Variants in KCNH8 observed in about 807,000 individuals in gnomAD.
KCNH8 encodes potassium voltage-gated channel subfamily H member 8, also known as voltage-gated delayed rectifier potassium channel KCNH8.
In KCNH8, 70 loss-of-function variants were observed where a neutral mutation model predicts 103.6. That is an observed-to-expected ratio of 0.68 (90% CI 0.56 to 0.82). The LOEUF is 0.82. Ranked by LOEUF, KCNH8 falls within the 40% of genes least tolerant of loss-of-function variation. The pLI, the probability that KCNH8 is intolerant of heterozygous loss-of-function variation, is 0.00. For missense variants in KCNH8, 1,217 were observed against 1,329.9 expected, an observed-to-expected ratio of 0.92 and a Z score of 1.32; for synonymous variants, 498 against 489.4, an observed-to-expected ratio of 1.02 and a Z score of -0.23.
At chr3:19,215,518 C>T (rs1200404582) in intron 1 of KCNH8, among the ~76,000 whole-genome samples, 1 of 152,212 alleles carries the variant, frequency 6.6e-6, no homozygotes, top group Non-Finnish European at 1.5e-5. Context: ...AAAGATTCAG[C>T]AGACAAGTCA....
At chr3:19,258,947 C>CTCTATATATATATA (rs1321918245) in intron 2 of KCNH8, among the ~76,000 whole-genome samples, 19 of 24,792 alleles carry the variant, frequency 7.7e-4, no homozygotes, top group Non-Finnish European at 1.0e-3. Flanking sequence ...CTCTCTCTCT[C>CTCTATATATATATA]TATATATATA....
At chr3:19,240,553 G>C (rs1175796107) in intron 1 of KCNH8, among the ~76,000 whole-genome samples, 1 of 151,196 alleles carries the variant, frequency 6.6e-6, no homozygotes, top group Non-Finnish European at 1.5e-5. Context: ...CGGAGGTTGC[G>C]GTGAGCCGAG....
In KCNH8 at chr3:19,162,174, G is replaced by A. The variant is rs185302225; in HGVS notation, c.76+13379G>A. Reference sequence around the variant, plus strand: ...CATCTTTTAAACATTTTAACAAATAGCAACTTTTTAAAAACAAAACTTGCA... The same window carrying A: ...CATCTTTTAAACATTTTAACAAATAACAACTTTTTAAAAACAAAACTTGCA... On this transcript the variant is annotated intron_variant, in intron 1 of 15. Coordinates refer to ENST00000328405, the MANE Select transcript of KCNH8 (RefSeq NM_144633.3). 1.2e-4 allele frequency among the ~76,000 whole-genome samples: 18 copies of A among 151,958 alleles called. No individual in the cohort carries two copies. In the East Asian group the frequency reaches 2.9e-3, roughly 24 times the overall value.
intron 1 of KCNH8, among the ~76,000 whole-genome samples, chr3:19,228,216 ATTAT>A (rs2063954102): frequency 1.3e-5 from 2 of 152,226 alleles, no homozygotes; most frequent in African/African-American, 4.8e-5. Flanking sequence ...GAATGATATT[ATTAT>A]TTAATGACAA....
At chr3:19,448,883 A>G (rs1467434739) in intron 8 of KCNH8, 2 of 724,660 alleles carry the variant, frequency 2.8e-6, no homozygotes, top group Non-Finnish European at 2.1e-6. Context: ...TTAGAGTTGA[A>G]TTATCCATAA....
chr3:19,505,622 T>A (rs1349389826), intron 11 of KCNH8, among the ~76,000 whole-genome samples: 1 of 152,084 alleles, frequency 6.6e-6, no homozygotes, highest in Admixed American at 6.6e-5. Context: ...CCTTGGAAAA[T>A]CTGATGATTA....
intron 1 of KCNH8, among the ~76,000 whole-genome samples, chr3:19,241,804 T>C (rs1427821582): frequency 3.3e-5 from 5 of 152,202 alleles, no homozygotes; most frequent in African/African-American, 1.2e-4. Context: ...CAGTTGAGTG[T>C]GCATTAATAA....
At position 19,493,341 on chromosome 3, in the gene KCNH8, G is replaced by C. The variant is rs552595147; in HGVS notation, c.2041-17022G>C. Among the ~76,000 whole-genome samples the C allele has an allele frequency of 3.3e-5, 5 of 152,242 alleles. No homozygotes were observed. The South Asian group carries it at 1.0e-3, about 32-fold the overall frequency. ...ATCTCATCTTAAATTGTAATCCCCAGGTGTTCATGGGGAGAACTGGTGGGA... is the reference window on the plus strand; with the variant it reads ...ATCTCATCTTAAATTGTAATCCCCACGTGTTCATGGGGAGAACTGGTGGGA... On this transcript the variant is annotated intron_variant, in intron 11 of 15. Transcript: ENST00000328405.
intron 3 of KCNH8, among the ~76,000 whole-genome samples, chr3:19,316,831 T>C (rs535226710): frequency 1.4e-3 from 206 of 152,108 alleles, no homozygotes; most frequent in Non-Finnish European, 2.6e-3. Context: ...TCAGATTGCC[T>C]ACTTTTCCTT....
At chr3:19,332,698 T>C (rs1049975136) in intron 3 of KCNH8, among the ~76,000 whole-genome samples, 3 of 152,120 alleles carry the variant, frequency 2.0e-5, no homozygotes, top group African/African-American at 7.2e-5. Context: ...AGTGGCACGA[T>C]CTCAGCTCAC....
chr3:19,480,507 A>G (rs1575118324), intron 11 of KCNH8, among the ~76,000 whole-genome samples: 1 of 152,358 alleles, frequency 6.6e-6, no homozygotes, highest in East Asian at 1.9e-4. Flanking sequence ...AACTTTTACC[A>G]TTGAGGAATT....
At chr3:19,315,636 T>C (rs1176836932) in intron 3 of KCNH8, among the ~76,000 whole-genome samples, 2 of 152,008 alleles carry the variant, frequency 1.3e-5, no homozygotes, top group East Asian at 3.9e-4. Context: ...AGTAGTTGGC[T>C]ACTATGTTGG....
chr3:19,451,776 T>C (rs2067451582), intron 10 of KCNH8, among the ~76,000 whole-genome samples: 1 of 152,164 alleles, frequency 6.6e-6, no homozygotes, highest in Non-Finnish European at 1.5e-5. Flanking sequence ...GGGCATTTAT[T>C]TTTGTGGAAA....
intron 11 of KCNH8, among the ~76,000 whole-genome samples, chr3:19,494,522 C>T (rs1345409004): frequency 2.0e-5 from 3 of 152,114 alleles, no homozygotes; most frequent in East Asian, 1.9e-4. Context: ...TCCAATAAAC[C>T]TCTTTCTTTT....
intron 3 of KCNH8, among the ~76,000 whole-genome samples, chr3:19,282,088 C>T (rs181598504): frequency 2.6e-4 from 40 of 152,214 alleles, no homozygotes; most frequent in Non-Finnish European, 5.1e-4. Context: ...GAATCAGCTA[C>T]TTGACATTTC....
rs149961037 is a variant in KCNH8 at position 19,315,986 on chromosome 3, A to G, written c.443-26601A>G. On this transcript the variant is annotated intron_variant, in intron 3 of 15. Coordinates refer to ENST00000328405, the MANE Select transcript of KCNH8 (RefSeq NM_144633.3). ...TCAATTGAAAGTTAACTGTCCTTAA[A>G]TTGAATTATGTCTGATTGTTACTCC... is the stretch of plus-strand genomic sequence containing the variant. Among the ~76,000 whole-genome samples, 362 of 152,164 alleles carry G rather than the reference A, an allele frequency of 2.4e-3. 1 individual carries two copies. The highest frequency in any genetic ancestry group is 8.3e-3 in the African/African-American group (346 of 41,538).
intron 6 of KCNH8, among the ~76,000 whole-genome samples, chr3:19,394,309 A>C (rs1044388504): frequency 6.6e-6 from 1 of 152,068 alleles, no homozygotes; most frequent in East Asian, 1.9e-4. Flanking sequence ...GATATTGACT[A>C]TTCTGGTCCA....
chr3:19,235,920 G>A (rs1280947781), intron 1 of KCNH8, among the ~76,000 whole-genome samples: 1 of 152,180 alleles, frequency 6.6e-6, no homozygotes, highest in Admixed American at 6.5e-5. Flanking sequence ...CAGCCATTGT[G>A]CATTTGTTTG....
chr3:19,153,171 C>G (rs1452362116), intron 1 of KCNH8, among the ~76,000 whole-genome samples: 2 of 152,020 alleles, frequency 1.3e-5, no homozygotes, highest in African/African-American at 4.8e-5. Flanking sequence ...GATAACTTCA[C>G]TACAATGAAG....
Sources: gnomAD v4.1 joint callset for allele counts (sites outside exome capture counted in the v4.1 genomes callset) on GRCh38, gnomAD v4.1.1 for gene constraint, MANE v1.5 for transcripts, NCBI Gene and HGNC (gene_info 2026-07-23, HGNC 2026-07-21) for gene names.